The following TCERG1L variants were observed in gnomAD, a reference collection of about 807,000 sequenced individuals.
TCERG1L encodes the protein transcription elongation regulator 1 like.
In TCERG1L, 37 loss-of-function variants were observed where a neutral mutation model predicts 56.3. That is an observed-to-expected ratio of 0.66 (90% CI 0.51 to 0.87). The LOEUF (loss-of-function observed/expected upper bound fraction) is 0.87. Ranked by LOEUF, TCERG1L falls within the 40% of genes least tolerant of loss-of-function variation. TCERG1L has a pLI of 0.00. For synonymous variants in TCERG1L, 324 were observed against 326.3 expected, an observed-to-expected ratio of 0.99 and a Z score of 0.08; for missense variants, 799 against 774.2, an observed-to-expected ratio of 1.03 and a Z score of -0.38.
At chr10:131,282,456 A>T (rs1394349126) in intron 3 of TCERG1L, among the ~76,000 whole-genome samples, 1 of 149,742 alleles carries the variant, frequency 6.7e-6, no homozygotes, top group Non-Finnish European at 1.5e-5. Context: ...TTCCCTACAG[A>T]AACCAGCGAA....
rs185155765 is a variant in TCERG1L, at chr10:131,205,188, C to T, written c.857-38303G>A. ...AAAAGGGAAAAAGAAGGTTAATGCT[C>T]GCAATTCATCCTTTTATCCCAACAG... On this transcript the variant is annotated intron_variant, in intron 4 of 11. Coordinates refer to ENST00000368642, the MANE Select transcript of TCERG1L (RefSeq NM_174937.4). 8.1e-4 allele frequency among the ~76,000 whole-genome samples: 124 copies of T among 152,230 alleles called. No individual in the cohort carries two copies. In the East Asian group the frequency reaches 0.019, roughly 23 times the overall value.
chr10:131,177,878 T>C (rs1276190306), intron 4 of TCERG1L, among the ~76,000 whole-genome samples: 5 of 150,710 alleles, frequency 3.3e-5, no homozygotes, highest in Non-Finnish European at 1.5e-5. Context: ...CGTCTCGATC[T>C]CGCATGACGC....
chr10:131,185,629 T>A (rs1016255719), intron 4 of TCERG1L, among the ~76,000 whole-genome samples: 1 of 152,032 alleles, frequency 6.6e-6, no homozygotes, highest in Non-Finnish European at 1.5e-5. Context: ...CGAACAGGCA[T>A]GTGAAAAGGT....
At chr10:131,298,704 G>A (rs918492725) in intron 3 of TCERG1L, among the ~76,000 whole-genome samples, 5 of 152,342 alleles carry the variant, frequency 3.3e-5, no homozygotes, top group African/African-American at 1.2e-4. Flanking sequence ...ATGAGCCACG[G>A]CGTCCAGCCC....
At chr10:131,223,669 C>T (rs1159651352) in intron 4 of TCERG1L, among the ~76,000 whole-genome samples, 1 of 149,370 alleles carries the variant, frequency 6.7e-6, no homozygotes, top group Non-Finnish European at 1.5e-5. Context: ...GACATGCACA[C>T]ACACATGCTC....
intron 4 of TCERG1L, among the ~76,000 whole-genome samples, chr10:131,188,000 G>C (rs760992715): frequency 6.6e-6 from 1 of 152,192 alleles, no homozygotes; most frequent in Non-Finnish European, 1.5e-5. Context: ...CCTGGGTTAC[G>C]CTTTCTCTGC....
intron 4 of TCERG1L, among the ~76,000 whole-genome samples, chr10:131,198,530 G>A (rs573660165): frequency 7.9e-5 from 12 of 152,330 alleles, no homozygotes; most frequent in East Asian, 7.7e-4. Context: ...GTTCCTCACC[G>A]TCCGGAGGCT....
intron 5 of TCERG1L, among the ~76,000 whole-genome samples, chr10:131,165,823 G>C (rs1846024699): frequency 6.6e-6 from 1 of 152,208 alleles, no homozygotes; most frequent in Admixed American, 6.5e-5. Context: ...ATGATTTCCT[G>C]TTGGTGATAA....
intron 4 of TCERG1L, among the ~76,000 whole-genome samples, chr10:131,174,560 G>A (rs1846127831): frequency 6.6e-6 from 1 of 152,174 alleles, no homozygotes; most frequent in South Asian, 2.1e-4. Flanking sequence ...AGCAAAGCCT[G>A]GTTCCTGAGA....
Position 131,093,042 on chromosome 10 carries a change from G to T in TCERG1L, c.*120C>A. Reference sequence around the variant, plus strand: ...CTGAGAACGAAGACCCCGCAGTGCCGGTGCCCGCTGGGCCGTGCAGGTCTC... The same window carrying T: ...CTGAGAACGAAGACCCCGCAGTGCCTGTGCCCGCTGGGCCGTGCAGGTCTC... On this transcript the variant is annotated 3_prime_UTR_variant, in exon 12 of 12. Transcript: ENST00000368642. 2.0e-6 allele frequency: 2 copies of T among 986,264 alleles called. No homozygotes were observed. Among genetic ancestry groups the T allele is most frequent in the Non-Finnish European group, 3.0e-6 (2 of 675,508 alleles). The allele number at this position is 986,264 out of a possible 1,614,324, so 61.1% of individuals were successfully genotyped here.
intron 4 of TCERG1L, among the ~76,000 whole-genome samples, chr10:131,185,009 C>T (rs932594319): frequency 1.2e-4 from 19 of 152,236 alleles, no homozygotes; most frequent in African/African-American, 4.3e-4. Context: ...GTGGGAGGAT[C>T]ACCTGAGCCT....
At chr10:131,221,625 T>C (rs1047826673) in intron 4 of TCERG1L, among the ~76,000 whole-genome samples, 4 of 152,194 alleles carry the variant, frequency 2.6e-5, no homozygotes. Flanking sequence ...CTGCATGTGT[T>C]ATCGCCGTGT....
intron 4 of TCERG1L, among the ~76,000 whole-genome samples, chr10:131,202,088 T>G (rs990197805): frequency 2.0e-5 from 3 of 152,154 alleles, no homozygotes; most frequent in Admixed American, 6.5e-5. Context: ...TCGATTTATA[T>G]TAATCCATTT....
intron 4 of TCERG1L, among the ~76,000 whole-genome samples, chr10:131,240,976 C>G (rs562567019): frequency 2.2e-4 from 34 of 152,354 alleles, no homozygotes; most frequent in African/African-American, 8.2e-4. Context: ...AACCAGCTCC[C>G]AGGCCTCCTC....
At chr10:131,174,581 C>T (rs1431020435) in intron 4 of TCERG1L, among the ~76,000 whole-genome samples, 2 of 152,214 alleles carry the variant, frequency 1.3e-5, no homozygotes, top group African/African-American at 2.4e-5. Flanking sequence ...TCCCACAGCA[C>T]CTCGTTGAAC....
chr10:131,116,758 G>C, intron 9 of TCERG1L, 41 bp downstream of exon 9: 1 of 1,543,094 alleles, frequency 6.5e-7, no homozygotes, highest in Non-Finnish European at 8.7e-7. Flanking sequence ...GTTCCCCCGG[G>C]TCTGCCGTAG....
At chr10:131,109,890 G>A (rs1020264297) in intron 9 of TCERG1L, among the ~76,000 whole-genome samples, 2 of 152,266 alleles carry the variant, frequency 1.3e-5, no homozygotes, top group African/African-American at 4.8e-5. Context: ...GAGCTGCAGA[G>A]GAGGCGGTGT....
chr10:131,309,035 A>T (rs1846847315), intron 2 of TCERG1L, 118 bp downstream of exon 2: 1 of 1,151,980 alleles, frequency 8.7e-7, no homozygotes, highest in Non-Finnish European at 1.2e-6. Context: ...TTATTTCTAT[A>T]CCTAGATGGC....
intron 3 of TCERG1L, among the ~76,000 whole-genome samples, chr10:131,264,442 G>T (rs1380776281): frequency 6.6e-6 from 1 of 152,216 alleles, no homozygotes; most frequent in African/African-American, 2.4e-5. Context: ...ATACAGCTTG[G>T]TACTTAGTAT....
Sources: allele counts gnomAD v4.1 joint callset (sites outside exome capture counted in the v4.1 genomes callset), GRCh38; gene constraint gnomAD v4.1.1; transcripts MANE v1.5; gene names NCBI Gene and HGNC (gene_info 2026-07-23, HGNC 2026-07-21).